The following SLC44A1 variants were observed in gnomAD, a reference collection of about 807,000 sequenced individuals.
SLC44A1 encodes solute carrier family 44 member 1.
In SLC44A1, 26 loss-of-function variants were observed where a neutral mutation model predicts 79.3. That is an observed-to-expected ratio of 0.33 (90% confidence interval 0.24 to 0.46). SLC44A1 has a LOEUF of 0.46. SLC44A1 is among the 20% of genes least tolerant of loss of function. The probability of loss-of-function intolerance (pLI) is 1.00; values close to 1 mark genes in which losing one functional copy is unlikely to be tolerated. For synonymous variants in SLC44A1, 263 were observed against 286.2 expected (o/e 0.92, Z 0.82); for missense variants, 688 against 798.1 (o/e 0.86, Z 1.66).
Position 105,364,584 on chromosome 9 carries a change from G to A in SLC44A1, c.1117G>A (p.Val373Met), listed in dbSNP as rs1168679747. The change falls in exon 10 of 16, where the codon GTG becomes ATG. Residue 373 changes from valine to methionine, a missense_variant. Coordinates refer to ENST00000374720, the MANE Select transcript of SLC44A1 (RefSeq NM_080546.5). ...GSPVQNEQGF[V>M]EFKISGPLQY... ...TCCTGTTCAGAATGAGCAAGGCTTT[G>A]TGGAGTTCAAAATTTCTGGGCCTCT... The A allele has an allele frequency of 1.2e-6, 2 of 1,614,028 alleles. No homozygotes were observed. Among genetic ancestry groups the A allele is most frequent in the African/African-American group, 1.3e-5 (1 of 75,040 alleles).
At chr9:105,333,638 C>T (rs950614744) in intron 3 of SLC44A1, among the ~76,000 whole-genome samples, 2 of 151,974 alleles carry the variant, frequency 1.3e-5, no homozygotes, top group Admixed American at 1.3e-4. Flanking sequence ...GGTGAAACCC[C>T]GTTTCTACTA....
intron 1 of SLC44A1, among the ~76,000 whole-genome samples, chr9:105,252,066 T>A (rs1468312697): frequency 1.3e-5 from 2 of 152,232 alleles, no homozygotes; most frequent in Admixed American, 6.5e-5. Flanking sequence ...GAAATTTATT[T>A]AATAAATTAT....
At chr9:105,268,057 T>C (rs1271432614) in intron 1 of SLC44A1, among the ~76,000 whole-genome samples, 3 of 152,180 alleles carry the variant, frequency 2.0e-5, no homozygotes, top group Non-Finnish European at 2.9e-5. Flanking sequence ...ATATTCAGTG[T>C]ATAAACTTCC....
intron 15 of SLC44A1, among the ~76,000 whole-genome samples, chr9:105,403,566 A>G (rs1049615840): frequency 6.6e-6 from 1 of 150,960 alleles, no homozygotes; most frequent in African/African-American, 2.4e-5. Flanking sequence ...AGAATACCAG[A>G]ATAAGAGACC....
At chr9:105,378,901 A>G (rs1279555002) in intron 13 of SLC44A1, among the ~76,000 whole-genome samples, 2 of 152,256 alleles carry the variant, frequency 1.3e-5, no homozygotes, top group East Asian at 1.9e-4. Context: ...TCATATACAT[A>G]TCAACTTGAA....
At chr9:105,421,929 A>G (rs552545559) in intron 15 of SLC44A1, among the ~76,000 whole-genome samples, 58 of 152,286 alleles carry the variant, frequency 3.8e-4, no homozygotes, top group African/African-American at 1.3e-3. Context: ...GTGCATTGTC[A>G]GTATTTTTCA....
At chr9:105,359,130 T>A (rs1009107856) in intron 7 of SLC44A1, among the ~76,000 whole-genome samples, 2 of 152,204 alleles carry the variant, frequency 1.3e-5, no homozygotes, top group Non-Finnish European at 2.9e-5. Flanking sequence ...CTTGTTTATC[T>A]TTGCCTTAAA....
At chr9:105,365,386 A>ATT in intron 10 of SLC44A1, 97 bp from the exon 11 acceptor site, 6 of 830,416 alleles carry the variant, frequency 7.2e-6, no homozygotes, top group East Asian at 2.7e-5. Context: ...TGATGAGCTG[A>ATT]TTTTTTTTTT....
intron 5 of SLC44A1, among the ~76,000 whole-genome samples, chr9:105,349,220 C>G (rs1254633875): frequency 6.6e-6 from 1 of 152,152 alleles, no homozygotes; most frequent in East Asian, 1.9e-4. Flanking sequence ...GAGTGTTGGT[C>G]AGATCACAAC....
intron 1 of SLC44A1, among the ~76,000 whole-genome samples, chr9:105,246,222 C>G (rs1178513292): frequency 1.3e-5 from 2 of 152,164 alleles, no homozygotes; most frequent in East Asian, 3.8e-4. Context: ...TTTGCTGCTG[C>G]TAAATGACTA....
intron 1 of SLC44A1, among the ~76,000 whole-genome samples, chr9:105,257,259 G>T (rs1034856706): frequency 6.6e-6 from 1 of 151,730 alleles, no homozygotes; most frequent in African/African-American, 2.4e-5. Flanking sequence ...ACCACGCCTG[G>T]CTAATTTTGT....
intron 3 of SLC44A1, among the ~76,000 whole-genome samples, chr9:105,319,357 C>T (rs993403134): frequency 1.5e-4 from 23 of 152,112 alleles, no homozygotes; most frequent in African/African-American, 5.6e-4. Flanking sequence ...GGCAGAGCTT[C>T]CATTGTTGTC....
intron 9 of SLC44A1, 99 bp downstream of exon 9, chr9:105,363,106 A>C (rs1207239391): frequency 2.2e-6 from 2 of 914,898 alleles, no homozygotes; most frequent in Non-Finnish European, 3.4e-6. Context: ...TTTGTTGATG[A>C]AGGTCCAATA....
At chr9:105,309,341 C>T (rs115834346) in intron 2 of SLC44A1, among the ~76,000 whole-genome samples, 1 of 152,284 alleles carries the variant, frequency 6.6e-6, no homozygotes, top group African/African-American at 2.4e-5. Flanking sequence ...TGTTTAACAT[C>T]TCTACGCCTC....
At chr9:105,369,272 A>G (rs71494524) in intron 12 of SLC44A1, among the ~76,000 whole-genome samples, 2,256 of 152,330 alleles carry the variant, frequency 0.015, 25 homozygotes, top group Non-Finnish European at 0.023. Context: ...AACTATTCCA[A>G]TAGTTCTAGA....
At chr9:105,277,175 C>T (rs1830225945) in intron 1 of SLC44A1, among the ~76,000 whole-genome samples, 1 of 152,160 alleles carries the variant, frequency 6.6e-6, no homozygotes, top group African/African-American at 2.4e-5. Flanking sequence ...GTCTGAACAC[C>T]TGAAGGTGGA....
At chr9:105,246,873 T>C (rs1428582894) in intron 1 of SLC44A1, among the ~76,000 whole-genome samples, 2 of 152,248 alleles carry the variant, frequency 1.3e-5, no homozygotes, top group Non-Finnish European at 2.9e-5. Context: ...CTTTTCAGAA[T>C]GCTATCGTAT....
Position 105,313,770 on chromosome 9 carries a change from A to G in SLC44A1, c.269+3904A>G, listed in dbSNP as rs192301452. On this transcript the variant is annotated intron_variant, in intron 3 of 15. Coordinates refer to ENST00000374720, the MANE Select transcript of SLC44A1 (RefSeq NM_080546.5). The stretch of plus-strand genomic sequence containing the variant: ...AAAAATTATTATCATTATTATTATT[A>G]TTATTGGAGGCAGAGTCTTTCTCTG... 1.2e-3 allele frequency among the ~76,000 whole-genome samples: 180 copies of G among 151,922 alleles called. 1 individual carries two copies. The highest frequency in any genetic ancestry group is 3.8e-3 in the African/African-American group (159 of 41,444).
At chr9:105,250,342 A>G (rs1588700311) in intron 1 of SLC44A1, among the ~76,000 whole-genome samples, 1 of 152,298 alleles carries the variant, frequency 6.6e-6, no homozygotes, top group Middle Eastern at 3.4e-3. Flanking sequence ...CAGGCTTAAC[A>G]AATACTATAC....
Sources: gnomAD v4.1 joint callset for allele counts (sites outside exome capture counted in the v4.1 genomes callset) on GRCh38, gnomAD v4.1.1 for gene constraint, MANE v1.5 for transcripts, NCBI Gene and HGNC (gene_info 2026-07-23, HGNC 2026-07-21) for gene names.